The following FBLN7 variants were observed in gnomAD, a reference collection of about 807,000 sequenced individuals.
FBLN7 encodes fibulin 7.
Under a neutral mutation model 44.0 loss-of-function variants are expected in FBLN7, and 31 were observed. The observed-to-expected ratio is 0.70, with a 90% confidence interval of 0.53 to 0.95. The LOEUF (loss-of-function observed/expected upper bound fraction) is 0.95, where lower values mean the gene tolerates loss of function less well. Among genes scored for constraint, FBLN7 ranks in the 40% least tolerant of loss-of-function variants. The pLI, the probability that FBLN7 is intolerant of heterozygous loss-of-function variation, is 0.00. For synonymous variants in FBLN7, 262 were observed against 253.4 expected, an observed-to-expected ratio of 1.03 and a Z score of -0.32; for missense variants, 573 against 618.5, an observed-to-expected ratio of 0.93 and a Z score of 0.78.
chr2:112,152,597 C>G (rs1681213467), intron 1 of FBLN7: 1 of 152,242 alleles, frequency 6.6e-6, no homozygotes, highest in Non-Finnish European at 1.5e-5. Context: ...TTAGATACGA[C>G]TAGCATTTAA....
At chr2:112,172,276 T>A (rs1682503849) in intron 3 of FBLN7, among the ~76,000 whole-genome samples, 1 of 152,248 alleles carries the variant, frequency 6.6e-6, no homozygotes, top group African/African-American at 2.4e-5. Context: ...AATTGGTTGA[T>A]AATGTCTCTT....
the FBLN7 span, chr2:112,211,591 C>T: frequency 2.6e-5 from 4 of 152,148 alleles, no homozygotes; most frequent in African/African-American, 9.7e-5. Context: ...TTAATAGAAT[C>T]TAAATGCCAC....
downstream of FBLN7, chr2:112,188,510 A>T (rs1683376917): frequency 6.6e-6 from 1 of 152,118 alleles, no homozygotes; most frequent in Non-Finnish European, 1.5e-5. Context: ...AAGAGAGAAA[A>T]CACTGGCCAG....
the FBLN7 span, among the ~76,000 whole-genome samples, chr2:112,200,478 T>A: frequency 6.6e-6 from 1 of 152,186 alleles, no homozygotes; most frequent in Admixed American, 6.5e-5. Flanking sequence ...GAAGGACACA[T>A]CACCTCCATC....
At chr2:112,207,759 T>C in the FBLN7 span, among the ~76,000 whole-genome samples, 3 of 152,392 alleles carry the variant, frequency 2.0e-5, no homozygotes, top group East Asian at 3.9e-4. Context: ...TTTGTTATTA[T>C]GCAGTGACTC....
chr2:112,147,404 C>G (rs1680946143), intron 1 of FBLN7, among the ~76,000 whole-genome samples: 1 of 152,234 alleles, frequency 6.6e-6, no homozygotes, highest in African/African-American at 2.4e-5. Flanking sequence ...GTTCCATAAT[C>G]CACTACAGAG....
At chr2:112,216,667 AAGATT>A in the FBLN7 span, among the ~76,000 whole-genome samples, 566 of 150,808 alleles carry the variant, frequency 3.8e-3, 3 homozygotes, top group Admixed American at 6.0e-3. Context: ...TTCAAAAACT[AAGATT>A]AGAACTGAAG....
chr2:112,213,698 C>T, the FBLN7 span: 5 of 132,044 alleles, frequency 3.8e-5, no homozygotes, highest in Non-Finnish European at 6.2e-5. Context: ...ATCACTTGAA[C>T]CCGGGAGGCA....
chr2:112,152,872 C>T (rs1173021719), intron 1 of FBLN7: 3 of 152,188 alleles, frequency 2.0e-5, no homozygotes, highest in African/African-American at 7.2e-5. Flanking sequence ...GCGTGACAAT[C>T]CCTTAAAATC....
chr2:112,240,384 A>T, the FBLN7 span: 1 of 152,214 alleles, frequency 6.6e-6, no homozygotes, highest in Non-Finnish European at 1.5e-5. Flanking sequence ...TTTGGCCTTT[A>T]ATTTTATTTA....
In FBLN7 at chr2:112,187,751, TA is replaced by T; in HGVS notation, c.*247del. The T allele has an allele frequency of 1.9e-6, 1 of 533,424 alleles. No individual in the cohort carries two copies. Among genetic ancestry groups the T allele is most frequent in the Non-Finnish European group, 3.3e-6 (1 of 307,664 alleles). 33.0% of individuals were successfully genotyped at this position (533,424 alleles called of 1,614,324 possible). On this transcript the variant is annotated 3_prime_UTR_variant, in exon 8 of 8. Transcript: ENST00000331203. This position sits in a 1 kb window ranked among gnomAD's most constrained non-coding sequence, Gnocchi z 5.1. ...GAGGCCCTTCCCTTAGATTATGCACTAACTTTCTTAAAACTTTTTCATCCAG... is the reference window on the plus strand; with the variant it reads ...GAGGCCCTTCCCTTAGATTATGCACTACTTTCTTAAAACTTTTTCATCCAG...
the FBLN7 span, among the ~76,000 whole-genome samples, chr2:112,201,215 T>C: frequency 2.6e-5 from 4 of 152,174 alleles, no homozygotes; most frequent in Admixed American, 1.3e-4. Context: ...CTGTCCTGAA[T>C]CTCTTTACAA....
chr2:112,166,299 C>T (rs1020408664), intron 3 of FBLN7, among the ~76,000 whole-genome samples: 4 of 152,172 alleles, frequency 2.6e-5, no homozygotes, highest in Admixed American at 1.3e-4. Flanking sequence ...TATCTGCCTG[C>T]CTCGGCCTCC....
chr2:112,187,228 C>G lies in FBLN7; in HGVS notation c.1042C>G (p.Leu348Val), dbSNP rs773788291. The G allele has an allele frequency of 5.3e-5, 86 of 1,614,094 alleles. No homozygotes were observed. The highest frequency in any genetic ancestry group is 6.9e-5 in the Non-Finnish European group (82 of 1,180,052). ...CCATTACCTCTCTCTGCCTTCCAAC[C>G]TGAAGACGCCCATCACGCTCTTCCG... ...SFHYLSLPSN[L>V]KTPITLFRMA... Residue 348 changes from leucine (L) to valine (V), a missense_variant, in exon 8 of 8, where the codon CTG (leucine) becomes GTG (valine). Coordinates refer to ENST00000331203, the MANE Select transcript of FBLN7 (RefSeq NM_153214.3). The surrounding 1 kb of genome is among the most constrained non-coding windows in gnomAD (Gnocchi z 5.1).
downstream of FBLN7, among the ~76,000 whole-genome samples, chr2:112,192,408 G>T (rs1683520453): frequency 6.6e-6 from 1 of 152,062 alleles, no homozygotes; most frequent in Admixed American, 6.6e-5. Context: ...TGAGTGGAGG[G>T]GTATTCTACA....
chr2:112,189,345 A>G (rs1683407243), downstream of FBLN7: 1 of 152,310 alleles, frequency 6.6e-6, no homozygotes, highest in Non-Finnish European at 1.5e-5. Context: ...CCACAGCACC[A>G]AAGTACAAAT....
the FBLN7 span, chr2:112,212,835 T>C: frequency 6.6e-6 from 1 of 152,198 alleles, no homozygotes; most frequent in Non-Finnish European, 1.5e-5. Flanking sequence ...CAACCTGAGA[T>C]ATTCTGATCT....
At chr2:112,222,536 G>A in the FBLN7 span, among the ~76,000 whole-genome samples, 1 of 151,934 alleles carries the variant, frequency 6.6e-6, no homozygotes, top group Non-Finnish European at 1.5e-5. Flanking sequence ...TGTTGAGAAG[G>A]ACAAATACTA....
At chr2:112,164,505 C>T (rs564537170) in intron 2 of FBLN7, among the ~76,000 whole-genome samples, 8 of 151,908 alleles carry the variant, frequency 5.3e-5, no homozygotes, top group Admixed American at 1.3e-4. Flanking sequence ...AGGGAACACG[C>T]GGGGAGGTGG....
Sources: gnomAD v4.1 joint callset for allele counts (sites outside exome capture counted in the v4.1 genomes callset) on GRCh38, gnomAD v4.1.1 for gene constraint, Gnocchi (gnomAD v3.1) non-coding constraint, MANE v1.5 for transcripts, NCBI Gene and HGNC (gene_info 2026-07-23, HGNC 2026-07-21) for gene names.